The following LACTB2 variants were observed in gnomAD, a reference collection of about 807,000 sequenced individuals.
The protein encoded by LACTB2 is endoribonuclease LACTB2.
A neutral mutation model predicts 34.8 loss-of-function variants in LACTB2; 32 were observed. The ratio of observed to expected loss-of-function variants is 0.92; its 90% CI spans 0.69 to 1.24. The LOEUF (loss-of-function observed/expected upper bound fraction) is 1.24, where lower values mean the gene tolerates loss of function less well. LACTB2 is among the 50% of genes most tolerant of loss of function. The pLI, the probability that LACTB2 is intolerant of heterozygous loss-of-function variation, is 0.00. For synonymous variants in LACTB2, 120 were observed against 117.5 expected (o/e 1.02, Z -0.14); for missense variants, 320 against 345.0 (o/e 0.93, Z 0.57).
At chr8:70,647,338 T>G (rs898569932) in intron 3 of LACTB2, among the ~76,000 whole-genome samples, 1 of 151,812 alleles carries the variant, frequency 6.6e-6, no homozygotes, top group Non-Finnish European at 1.5e-5. Flanking sequence ...CTGCAACCTC[T>G]GCCTCCCAGG....
intron 3 of LACTB2, among the ~76,000 whole-genome samples, chr8:70,650,510 G>A (rs1818325349): frequency 6.6e-6 from 1 of 152,026 alleles, no homozygotes. Flanking sequence ...GGAGGCCGAG[G>A]CCTGAGGTCA....
At chr8:70,666,230 G>C (rs970680127) in intron 1 of LACTB2, among the ~76,000 whole-genome samples, 2 of 152,160 alleles carry the variant, frequency 1.3e-5, no homozygotes, top group African/African-American at 2.4e-5. Context: ...ATGTTATAGT[G>C]GGGTATGAAG....
At chr8:70,649,925 A>G (rs1818317125) in intron 3 of LACTB2, among the ~76,000 whole-genome samples, 2 of 152,170 alleles carry the variant, frequency 1.3e-5, no homozygotes, top group South Asian at 4.1e-4. Context: ...TCAAGTTTGG[A>G]TTTTAGATTC....
chr8:70,658,177 G>A (rs1241834803), intron 2 of LACTB2, among the ~76,000 whole-genome samples: 1 of 152,172 alleles, frequency 6.6e-6, no homozygotes, highest in Non-Finnish European at 1.5e-5. Context: ...TCGGCATCCT[G>A]ACAAGTGTTG....
chr8:70,642,025 A>C (rs945910415), intron 4 of LACTB2, among the ~76,000 whole-genome samples: 4 of 152,088 alleles, frequency 2.6e-5, no homozygotes, highest in African/African-American at 9.7e-5. Context: ...CCTGCACAAA[A>C]CCTGATGGCT....
chr8:70,645,341 T>C (rs1359854499), intron 3 of LACTB2, among the ~76,000 whole-genome samples: 1 of 152,208 alleles, frequency 6.6e-6, no homozygotes, highest in African/African-American at 2.4e-5. Flanking sequence ...CTGGCATCAG[T>C]ATATACTTTT....
intron 5 of LACTB2, among the ~76,000 whole-genome samples, chr8:70,638,861 TC>T (rs1448895970): frequency 6.6e-6 from 1 of 151,144 alleles, no homozygotes; most frequent in Non-Finnish European, 1.5e-5. Flanking sequence ...TGCCTCAGCC[TC>T]CCGAGTAGCT....
chr8:70,667,824 C>G (rs938261825), intron 1 of LACTB2, among the ~76,000 whole-genome samples: 6 of 152,192 alleles, frequency 3.9e-5, no homozygotes, highest in African/African-American at 1.4e-4. Flanking sequence ...TTCTAAGAGA[C>G]TTTCCAGGGT....
intron 3 of LACTB2, among the ~76,000 whole-genome samples, chr8:70,653,291 T>C (rs1314991109): frequency 6.6e-6 from 1 of 152,092 alleles, no homozygotes; most frequent in East Asian, 1.9e-4. Flanking sequence ...TTTTGTATTT[T>C]TGGTAGAGAT....
intron 3 of LACTB2, among the ~76,000 whole-genome samples, chr8:70,648,542 T>C (rs1645770572): frequency 6.6e-6 from 1 of 151,566 alleles, no homozygotes; most frequent in South Asian, 2.1e-4. Context: ...TCCCAGAAAG[T>C]ATAGTAAAAA....
intron 3 of LACTB2, among the ~76,000 whole-genome samples, chr8:70,656,035 C>T (rs994724277): frequency 4.0e-5 from 6 of 151,848 alleles, no homozygotes; most frequent in Non-Finnish European, 7.4e-5. Flanking sequence ...TTTTGATGGG[C>T]TTGTTTTTTT....
chr8:70,656,274 G>A (rs931630493), intron 3 of LACTB2, among the ~76,000 whole-genome samples: 4 of 152,084 alleles, frequency 2.6e-5, no homozygotes, highest in East Asian at 1.9e-4. Flanking sequence ...AAGTCTAGAC[G>A]GGTTTTGCCA....
chr8:70,638,541 T>C lies in LACTB2; in HGVS notation c.823+7A>G, dbSNP rs1022568704. On this transcript the variant is annotated splice_region_variant and intron_variant, in intron 6 of 6. Transcript: ENST00000276590. ...GGTAATAGAAGAAAATTTGGAAGCA[T>C]ACTCACATATTTTTCCTTCTTTTTC... is the stretch of plus-strand genomic sequence containing the variant. The C allele has an allele frequency of 5.9e-6, 9 of 1,525,780 alleles. No individual in the cohort carries two copies. The African/African-American group carries it at 1.0e-4, about 17-fold the overall frequency. 94.5% of individuals were successfully genotyped at this position (1,525,780 alleles called of 1,614,324 possible).
chr8:70,655,689 ACTT>A (rs1300483536), intron 3 of LACTB2, among the ~76,000 whole-genome samples: 1 of 152,132 alleles, frequency 6.6e-6, no homozygotes, highest in African/African-American at 2.4e-5. Context: ...TTGTATAATG[ACTT>A]CTTTTCCTCT....
chr8:70,642,351 G>A (rs1037769256), intron 4 of LACTB2, among the ~76,000 whole-genome samples: 2 of 152,110 alleles, frequency 1.3e-5, no homozygotes, highest in African/African-American at 4.8e-5. Flanking sequence ...CCAGCAGTAG[G>A]AACTCATCGC....
In LACTB2 at chr8:70,638,630, CT is replaced by C. The variant is rs771538732; in HGVS notation, c.742-2del. 1 of 1,394,372 alleles carries C rather than the reference CT, an allele frequency of 7.2e-7. No homozygotes were observed. The highest frequency in any genetic ancestry group is 1.6e-5 in the South Asian group (1 of 62,348). The allele number at this position is 1,394,372 out of a possible 1,614,324, so 86.4% of individuals were successfully genotyped here. On this transcript the variant is annotated splice_acceptor_variant, in intron 5 of 6. Transcript: ENST00000276590. LOFTEE classifies it high-confidence loss of function. ...TTTCATGTAAATTCTCAGGAGTATT[CT>C]AAAAGAAAAATGAAGGTGAAAAAAA... is the stretch of plus-strand genomic sequence containing the variant.
chr8:70,646,846 A>C (rs1402918002), intron 3 of LACTB2: 1 of 152,172 alleles, frequency 6.6e-6, no homozygotes, highest in Non-Finnish European at 1.5e-5. Flanking sequence ...TCTACTTTGA[A>C]TTATGTGTTA....
At chr8:70,663,120 A>T (rs527587038) in intron 1 of LACTB2, 1 of 152,322 alleles carries the variant, frequency 6.6e-6, no homozygotes, top group Non-Finnish European at 1.5e-5. Context: ...CTGTTTATGG[A>T]TTACCTAATA....
intron 3 of LACTB2, chr8:70,646,684 T>C (rs1301543260): frequency 1.3e-5 from 2 of 152,222 alleles, no homozygotes; most frequent in East Asian, 1.9e-4. Context: ...AAAATTCTTA[T>C]TTACATTTAT....
Sources: allele counts gnomAD v4.1 joint callset (sites outside exome capture counted in the v4.1 genomes callset), GRCh38; gene constraint gnomAD v4.1.1; transcripts MANE v1.5; gene names NCBI Gene and HGNC (gene_info 2026-07-23, HGNC 2026-07-21).